The following TOP2A variants were observed in gnomAD, a reference collection of about 807,000 sequenced individuals.
TOP2A encodes DNA topoisomerase II alpha, also known as DNA topoisomerase 2-alpha.
In TOP2A, 68 loss-of-function variants were observed where a neutral mutation model predicts 187.2. The observed-to-expected ratio is 0.36, with a 90% CI of 0.30 to 0.44. The LOEUF (loss-of-function observed/expected upper bound fraction) is 0.44. Ranked by LOEUF, TOP2A falls within the 20% of genes least tolerant of loss-of-function variation. The pLI, the probability that TOP2A is intolerant of heterozygous loss-of-function variation, is 1.00. For missense variants in TOP2A, 1,196 were observed against 1,808.7 expected, an observed-to-expected ratio of 0.66 and a Z score of 6.14; for synonymous variants, 542 against 593.2, an observed-to-expected ratio of 0.91 and a Z score of 1.25.
At chr17:40,390,484 C>G (rs1378591888) in intron 33 of TOP2A, among the ~76,000 whole-genome samples, 3 of 152,036 alleles carry the variant, frequency 2.0e-5, no homozygotes, top group Non-Finnish European at 4.4e-5. Flanking sequence ...GCAACCGCGC[C>G]TGACCTAGTC....
At position 40,406,577 on chromosome 17, in the gene TOP2A, T is replaced by C; in HGVS notation, c.1843+7A>G. 6.2e-7 allele frequency: 1 copy of C among 1,610,056 alleles called. No individual in the cohort carries two copies. The highest frequency in any genetic ancestry group is 1.7e-5 in the Admixed American group (1 of 59,460). ...ATGAGAAGTTCTATATGGGTTTCATTACAAACCTTTGTAATATTTGACTTT... is the reference window on the plus strand; with the variant it reads ...ATGAGAAGTTCTATATGGGTTTCATCACAAACCTTTGTAATATTTGACTTT... On this transcript the variant is annotated splice_region_variant and intron_variant, in intron 15 of 34. Coordinates refer to ENST00000423485, the MANE Select transcript of TOP2A (RefSeq NM_001067.4).
At position 40,412,858 on chromosome 17, in the gene TOP2A, G is replaced by C. The variant is rs535625351; in HGVS notation, c.690C>G (p.Ser230Arg). 199 of 1,613,806 alleles carry C rather than the reference G, an allele frequency of 1.2e-4. 1 individual carries two copies. In the South Asian group the frequency reaches 2.0e-3, roughly 16 times the overall value. Residue 230 changes from serine to arginine, a missense_variant, in exon 7 of 35, where the codon AGC (serine) becomes AGG (arginine). Physicochemically the swap from Ser to Arg is moderately radical, Grantham distance 110. Around this residue, in one of 10 missense-constraint regions of TOP2A, gnomAD observed 252 missense variants for 434.8 expected, o/e 0.58. Coordinates refer to ENST00000423485, the MANE Select transcript of TOP2A (RefSeq NM_001067.4). ...TTAGTGCAACAATATCTTTGTCCAG[G>C]CTTTGCATTTTAAACTTAGACAAAT... Reference protein sequence around the residue: ...QPDLSKFKMQSLDKDIVALMV... With the variant: ...QPDLSKFKMQRLDKDIVALMV...
intron 2 of TOP2A, 78 bp from the exon 3 acceptor site, chr17:40,416,590 C>A: frequency 7.0e-7 from 1 of 1,425,712 alleles, no homozygotes; most frequent in Non-Finnish European, 9.8e-7. Context: ...ATAAAGTGTT[C>A]ATATTAAGTA....
chr17:40,398,110 CTTTT>C (rs1048890086), intron 27 of TOP2A, among the ~76,000 whole-genome samples: 1 of 127,650 alleles, frequency 7.8e-6, no homozygotes, highest in African/African-American at 3.0e-5. Context: ...TAATCTGTCC[CTTTT>C]TTTTTTTTTT....
chr17:40,403,258 C>T (rs2035202921), intron 19 of TOP2A, among the ~76,000 whole-genome samples: 1 of 152,154 alleles, frequency 6.6e-6, no homozygotes, highest in Non-Finnish European at 1.5e-5. Flanking sequence ...TCTATTAAAT[C>T]CCACTCAACT....
At position 40,396,414 on chromosome 17, in the gene TOP2A, C is replaced by G. The variant is rs183766786; in HGVS notation, c.3589G>C (p.Gly1197Arg). 8.5e-4 allele frequency: 1,367 copies of G among 1,613,940 alleles called. No individual in the cohort carries two copies. Among genetic ancestry groups the G allele is most frequent in the Middle Eastern group, 3.6e-3 (22 of 6,062 alleles). ...GTTTTTTTCCCCTTGGCCTTCCCCCCTTTCCCAGGAAGTCCGACTTGTTCA... is the reference window on the plus strand; with the variant it reads ...GTTTTTTTCCCCTTGGCCTTCCCCCGTTTCCCAGGAAGTCCGACTTGTTCA... The part of the protein sequence containing the change: ...QDEQVGLPGK[G>R]GKAKGKKTQM... The change falls in exon 28 of 35, where the codon GGG becomes CGG. Residue 1197 changes from glycine to arginine, a missense_variant. Transcript: ENST00000423485.
rs967546006 is a variant in TOP2A at position 40,411,825 on chromosome 17, A to G, written c.790-7T>C. On this transcript the variant is annotated splice_polypyrimidine_tract_variant and splice_region_variant and intron_variant, in intron 7 of 34. Transcript: ENST00000423485. The surrounding 1 kb of genome is among the most constrained non-coding windows in gnomAD (Gnocchi z 4.4). ...AACTACGAAATCCTTTTACCTGTAC[A>G]GGAATTAAAGGTAACAGTATTAAGA... The G allele has an allele frequency of 6.4e-7, 1 of 1,568,834 alleles. No individual in the cohort carries two copies. Among genetic ancestry groups the G allele is most frequent in the Non-Finnish European group, 8.6e-7 (1 of 1,163,570 alleles).
intron 5 of TOP2A, 45 bp downstream of exon 5, chr17:40,413,435 A>G: frequency 6.9e-7 from 1 of 1,447,206 alleles, no homozygotes; most frequent in Non-Finnish European, 9.3e-7. Flanking sequence ...ATTTAAATAT[A>G]TATATTTTTA....
intron 24 of TOP2A, chr17:40,399,407 C>T: frequency 2.5e-6 from 1 of 401,780 alleles, no homozygotes; most frequent in Non-Finnish European, 4.5e-6. Context: ...GTGGCACTAC[C>T]TAGGCTCACT....
chr17:40,404,299 T>C (rs2143658087), intron 18 of TOP2A, 26 bp from the exon 19 acceptor site: 1 of 1,610,544 alleles, frequency 6.2e-7, no homozygotes, highest in East Asian at 2.2e-5. Flanking sequence ...AGAGCAAACG[T>C]AAGTATCCTC....
At chr17:40,413,364 C>T in intron 5 of TOP2A, 72 bp from the exon 6 acceptor site, 1 of 1,403,206 alleles carries the variant, frequency 7.1e-7, no homozygotes, top group Non-Finnish European at 9.7e-7. Flanking sequence ...TAATCACTGG[C>T]AGAGCTATTC....
At chr17:40,405,237 C>T (rs944638671) in intron 16 of TOP2A, among the ~76,000 whole-genome samples, 3 of 151,896 alleles carry the variant, frequency 2.0e-5, no homozygotes, top group Admixed American at 6.6e-5. Flanking sequence ...ACAACCTCCA[C>T]TTCCCAAGTT....
intron 19 of TOP2A, among the ~76,000 whole-genome samples, chr17:40,403,432 C>A (rs1475321772): frequency 6.6e-6 from 1 of 152,124 alleles, no homozygotes; most frequent in Non-Finnish European, 1.5e-5. Flanking sequence ...GGATAAGGAA[C>A]ATATTTTTAT....
chr17:40,398,482 T>TC lies in TOP2A; in HGVS notation c.3537+75dup, dbSNP rs1168768192. 2.4e-6 allele frequency: 3 copies of TC among 1,275,244 alleles called. No homozygotes were observed. In the African/African-American group the frequency reaches 4.5e-5, roughly 19 times the overall value. The allele number at this position is 1,275,244 out of a possible 1,614,324, so 79.0% of individuals were successfully genotyped here. A position where few individuals can be genotyped will look rare whatever the true frequency, so the allele number is the denominator to read the frequency against. On this transcript the variant is annotated intron_variant, in intron 27 of 34. Transcript: ENST00000423485. ...TCTTTTTATTGCCAATTGTGAACTATCTTGACAAAGGTATACTGCTGGAAT... is the reference window on the plus strand; with the variant it reads ...TCTTTTTATTGCCAATTGTGAACTATCCTTGACAAAGGTATACTGCTGGAAT...
intron 10 of TOP2A, chr17:40,409,652 A>C (rs894496292): frequency 7.8e-5 from 19 of 242,780 alleles, no homozygotes; most frequent in Middle Eastern, 1.7e-3. Context: ...CCCGCTACTC[A>C]GGAGGCTGGA....
intron 24 of TOP2A, 132 bp from the exon 25 acceptor site, chr17:40,399,263 C>T (rs1306554674): frequency 3.9e-5 from 26 of 673,904 alleles, no homozygotes; most frequent in Non-Finnish European, 5.5e-5. Flanking sequence ...TTGTATATCC[C>T]GGTATACAGG....
At chr17:40,407,095 C>G (rs112081793) in intron 13 of TOP2A, among the ~76,000 whole-genome samples, 153 bp from the exon 14 acceptor site, 1 of 152,164 alleles carries the variant, frequency 6.6e-6, no homozygotes. Context: ...GAAACCCTGT[C>G]TCCACTAAAA....
chr17:40,408,836 CAATA>C (rs780161159), intron 10 of TOP2A: 80 of 676,170 alleles, frequency 1.2e-4, no homozygotes, highest in Non-Finnish European at 2.1e-4. Context: ...TTCATTCGTT[CAATA>C]AATATTTACT....
At chr17:40,409,145 G>C (rs1329820726) in intron 10 of TOP2A, 2 of 289,270 alleles carry the variant, frequency 6.9e-6, no homozygotes, top group African/African-American at 2.8e-5. Context: ...AGCGAGCCAA[G>C]ATCGCACCAT....
Sources: gnomAD v4.1 joint callset for allele counts (sites outside exome capture counted in the v4.1 genomes callset) on GRCh38, gnomAD v4.1.1 for gene constraint, gnomAD v4.1.1 regional missense constraint, Gnocchi (gnomAD v3.1) non-coding constraint, MANE v1.5 for transcripts, NCBI Gene and HGNC (gene_info 2026-07-23, HGNC 2026-07-21) for gene names.